Variants in ORMDL1 observed in about 807,000 individuals in gnomAD.
The protein encoded by ORMDL1 is ORM1-like protein 1.
Under a neutral mutation model 13.0 loss-of-function variants are expected in ORMDL1, and 10 were observed. The observed-to-expected ratio is 0.77, with a 90% CI of 0.47 to 1.30. The LOEUF is 1.30. ORMDL1 is among the 50% of genes most tolerant of loss of function. The pLI, the probability that ORMDL1 is intolerant of heterozygous loss-of-function variation, is 0.00. For missense variants in ORMDL1, 171 were observed against 186.7 expected (o/e 0.92, Z 0.49); for synonymous variants, 61 against 63.9 (o/e 0.95, Z 0.22).
Position 189,775,708 on chromosome 2 carries a change from G to A in ORMDL1, c.183C>T (p.Tyr61=), listed in dbSNP as rs13418158. 9,905 of 1,611,764 alleles carry A rather than the reference G, an allele frequency of 6.1e-3. 548 individuals carry two copies. The African/African-American group carries it at 0.12, about 19-fold the overall frequency. The stretch of plus-strand genomic sequence containing the variant: ...TTCCTTTCACTGCATGCAAAAATAC[G>A]TACATCCCCTGGAAAACAAGCAAGG... ...LTNIIHNLGM[Y]VFLHAVKGTP... Residue 61 remains tyrosine, a synonymous_variant, in exon 4 of 5, where the codon TAC becomes TAT. Coordinates refer to ENST00000392349, the MANE Select transcript of ORMDL1 (RefSeq NM_016467.5).
downstream of ORMDL1, among the ~76,000 whole-genome samples, chr2:189,770,007 A>G (rs1178536221): frequency 6.6e-6 from 1 of 152,188 alleles, no homozygotes; most frequent in African/African-American, 2.4e-5. Context: ...ACCAAAGGGA[A>G]GGGAGTTGGT....
chr2:189,782,613 T>C lies in ORMDL1; in HGVS notation c.-7-11A>G, dbSNP rs553762291. On this transcript the variant is annotated splice_polypyrimidine_tract_variant and intron_variant, in intron 2 of 4. Coordinates refer to ENST00000392349, the MANE Select transcript of ORMDL1 (RefSeq NM_016467.5). ...ACGTTCATGTTTGCTCTGTAGGAAG[T>C]AATGAAATGAATCAACACTGATACA... is the stretch of plus-strand genomic sequence containing the variant. 24 of 1,609,704 alleles carry C rather than the reference T, an allele frequency of 1.5e-5. No homozygotes were observed. Among genetic ancestry groups the C allele is most frequent in the South Asian group, 7.7e-5 (7 of 90,826 alleles).
chr2:189,766,426 C>T (rs2047483580), downstream of ORMDL1, among the ~76,000 whole-genome samples: 2 of 152,086 alleles, frequency 1.3e-5, no homozygotes, highest in Non-Finnish European at 2.9e-5. Flanking sequence ...AATTCTGTAC[C>T]CATTAAACAA....
chr2:189,778,080 T>C, intron 3 of ORMDL1: 1 of 418,518 alleles, frequency 2.4e-6, no homozygotes, highest in Non-Finnish European at 4.7e-6. Flanking sequence ...GTCAACCAAC[T>C]TGAAACACGG....
chr2:189,766,003 T>C (rs1453452403), downstream of ORMDL1, among the ~76,000 whole-genome samples: 1 of 151,622 alleles, frequency 6.6e-6, no homozygotes, highest in African/African-American at 2.4e-5. Flanking sequence ...ATTTTTGTAT[T>C]TTTAGTAGAG....
At chr2:189,776,550 A>G (rs1340130212) in intron 3 of ORMDL1, among the ~76,000 whole-genome samples, 1 of 152,178 alleles carries the variant, frequency 6.6e-6, no homozygotes, top group Non-Finnish European at 1.5e-5. Flanking sequence ...ATCATGACAC[A>G]AAGTTTTTCC....
intron 3 of ORMDL1, among the ~76,000 whole-genome samples, chr2:189,777,240 A>G (rs1404314078): frequency 6.6e-6 from 1 of 152,212 alleles, no homozygotes; most frequent in Non-Finnish European, 1.5e-5. Context: ...ACCGCAAGAC[A>G]TTAGACATTG....
rs888877270 is a variant in ORMDL1 at position 189,780,081 on chromosome 2, G to C, written c.174+2341C>G. On this transcript the variant is annotated intron_variant, in intron 3 of 4. Transcript: ENST00000392349. ...TGGAATATCGGCATATACATAATGAGATATCTTGGGGACAGGGCCCAAGTC... is the reference window on the plus strand; with the variant it reads ...TGGAATATCGGCATATACATAATGACATATCTTGGGGACAGGGCCCAAGTC... Among the ~76,000 whole-genome samples, 4 of 152,160 alleles carry C rather than the reference G, an allele frequency of 2.6e-5. No homozygotes were observed. In the East Asian group the frequency reaches 7.7e-4, roughly 29 times the overall value.
downstream of ORMDL1, among the ~76,000 whole-genome samples, chr2:189,766,061 G>A (rs1377984672): frequency 6.6e-6 from 1 of 151,902 alleles, no homozygotes; most frequent in Non-Finnish European, 1.5e-5. Flanking sequence ...TCTTGACCTC[G>A]TGATCCACCT....
At chr2:189,775,279 T>A (rs1013383065) in intron 4 of ORMDL1, 2 of 253,650 alleles carry the variant, frequency 7.9e-6, no homozygotes, top group African/African-American at 4.5e-5. Flanking sequence ...TGTGTCCTTA[T>A]ATGAAACCTA....
At chr2:189,783,439 A>T (rs899696469) in intron 1 of ORMDL1, 11 of 152,204 alleles carry the variant, frequency 7.2e-5, no homozygotes, top group African/African-American at 2.7e-4. Context: ...AGGCTAGATT[A>T]TATTTGGAAC....
At chr2:189,764,680 A>G in the ORMDL1 span, among the ~76,000 whole-genome samples, 5 of 152,170 alleles carry the variant, frequency 3.3e-5, no homozygotes, top group African/African-American at 1.2e-4. Flanking sequence ...CATTCTCAAA[A>G]AATATGGCCT....
rs202056202 is a variant in ORMDL1 at position 189,775,636 on chromosome 2, A to G, written c.255T>C (p.His85=). 5.0e-6 allele frequency: 8 copies of G among 1,613,992 alleles called. No individual in the cohort carries two copies. The highest frequency in any genetic ancestry group is 3.3e-5 in the Admixed American group (2 of 60,020). ...PDQGKARLLT[H]WEQLDYGVQF... The stretch of plus-strand genomic sequence containing the variant: ...GTACTCCATAGTCCAGTTGTTCCCA[A>G]TGAGTTAGGAGCCTTGCTTTACCCT... The change falls in exon 4 of 5, where the codon CAT becomes CAC. Residue 85 remains histidine, a synonymous_variant. Transcript: ENST00000392349.
At chr2:189,769,911 G>C (rs569874606), downstream of ORMDL1, among the ~76,000 whole-genome samples, 3 of 152,230 alleles carry the variant, frequency 2.0e-5, no homozygotes, top group Non-Finnish European at 4.4e-5. Flanking sequence ...CTCCTGACTT[G>C]AAGTCAGGAG....
At chr2:189,768,080 T>C (rs1297154104), downstream of ORMDL1, among the ~76,000 whole-genome samples, 1 of 152,230 alleles carries the variant, frequency 6.6e-6, no homozygotes. Flanking sequence ...GGATCTTTTT[T>C]ACCTGGAACT....
At chr2:189,774,898 G>C (rs540852658) in intron 4 of ORMDL1, 2 of 152,288 alleles carry the variant, frequency 1.3e-5, no homozygotes, top group African/African-American at 4.8e-5. Context: ...AAGGGAAAAG[G>C]AGGTAAGAAC....
intron 1 of ORMDL1, among the ~76,000 whole-genome samples, chr2:189,783,856 T>C (rs958161639): frequency 3.3e-5 from 5 of 152,306 alleles, no homozygotes; most frequent in African/African-American, 1.2e-4. Flanking sequence ...TGCCCACGAC[T>C]GGCAAACAAT....
intron 4 of ORMDL1, 56 bp from the exon 5 acceptor site, chr2:189,771,958 AC>A: frequency 3.1e-6 from 4 of 1,307,510 alleles, no homozygotes; most frequent in Non-Finnish European, 4.1e-6. Context: ...ATTACTTGGA[AC>A]TTAAACAATT....
chr2:189,767,987 T>C (rs2047510409), downstream of ORMDL1, among the ~76,000 whole-genome samples: 1 of 152,256 alleles, frequency 6.6e-6, no homozygotes, highest in African/African-American at 2.4e-5. Context: ...ATTCTGACTT[T>C]GATGCTTATA....
Sources: allele counts gnomAD v4.1 joint callset (sites outside exome capture counted in the v4.1 genomes callset), GRCh38; gene constraint gnomAD v4.1.1; transcripts MANE v1.5; gene names NCBI Gene and HGNC (gene_info 2026-07-23, HGNC 2026-07-21).